Variants in MELK observed in about 807,000 individuals in gnomAD.
MELK encodes the protein pEg3 kinase.
MELK carries 81 observed loss-of-function variants against 85.0 expected under a neutral mutation model. That is an observed-to-expected ratio of 0.95 (90% CI 0.80 to 1.15). MELK has a LOEUF of 1.15. MELK is among the 50% of genes most tolerant of loss of function. MELK has a pLI of 0.00. For missense variants in MELK, 754 were observed against 777.5 expected (o/e 0.97, Z 0.36); for synonymous variants, 252 against 265.0 (o/e 0.95, Z 0.48).
intron 4 of MELK, among the ~76,000 whole-genome samples, chr9:36,591,174 T>G (rs1823511952): frequency 6.6e-6 from 1 of 152,002 alleles, no homozygotes; most frequent in African/African-American, 2.4e-5. Flanking sequence ...ATTACTACAC[T>G]GTAGATCTAC....
Position 36,649,829 on chromosome 9 carries a change from G to T in MELK, c.922-1917G>T, listed in dbSNP as rs544403797. On this transcript the variant is annotated intron_variant, in intron 11 of 17. Transcript: ENST00000298048. ...AGGCCGGGCACTATGGCTCACGCCT[G>T]TAATTCTAAAACTGAGAGGCCAAGA... 2.0e-5 allele frequency among the ~76,000 whole-genome samples: 3 copies of T among 152,274 alleles called. No individual in the cohort carries two copies. In the South Asian group the frequency reaches 6.2e-4, roughly 32 times the overall value.
At chr9:36,638,411 G>A (rs960211349) in intron 10 of MELK, among the ~76,000 whole-genome samples, 1 of 151,914 alleles carries the variant, frequency 6.6e-6, no homozygotes, top group African/African-American at 2.4e-5. Flanking sequence ...TTAGCCTTCC[G>A]AGTAGCTGGG....
intron 7 of MELK, among the ~76,000 whole-genome samples, chr9:36,605,669 G>A (rs1272335868): frequency 1.3e-5 from 2 of 151,770 alleles, no homozygotes; most frequent in African/African-American, 2.4e-5. Flanking sequence ...GTTCACTTGA[G>A]ACGTCATAGT....
At chr9:36,648,147 C>T (rs578205153) in intron 11 of MELK, among the ~76,000 whole-genome samples, 5 of 152,102 alleles carry the variant, frequency 3.3e-5, no homozygotes, top group Admixed American at 6.5e-5. Flanking sequence ...GCTAAGTTTA[C>T]GTCGAACACT....
chr9:36,650,451 C>G (rs2137203110), intron 11 of MELK, among the ~76,000 whole-genome samples: 1 of 152,144 alleles, frequency 6.6e-6, no homozygotes, highest in East Asian at 1.9e-4. Flanking sequence ...AAAGTTCATA[C>G]AAAAAGGCTG....
At chr9:36,644,574 CTTGGGAATTGCTG>C (rs1204148003) in intron 11 of MELK, among the ~76,000 whole-genome samples, 1 of 152,042 alleles carries the variant, frequency 6.6e-6, no homozygotes, top group African/African-American at 2.4e-5. Flanking sequence ...AATAGTAAGA[CTTGGGAATTGCTG>C]TAAGATTTGT....
At chr9:36,603,437 C>CTTT (rs35162618) in intron 7 of MELK, among the ~76,000 whole-genome samples, 2 of 145,778 alleles carry the variant, frequency 1.4e-5, no homozygotes, top group Non-Finnish European at 3.0e-5. Context: ...ATTATTTTAT[C>CTTT]TTTTTTTTTT....
intron 10 of MELK, among the ~76,000 whole-genome samples, chr9:36,634,062 C>A (rs974674249): frequency 6.6e-6 from 1 of 152,202 alleles, no homozygotes; most frequent in Non-Finnish European, 1.5e-5. Flanking sequence ...CCTCACATAA[C>A]ATGATGCATT....
rs564807660 is a variant in MELK, at chr9:36,645,854, C to A, written c.921+2771C>A. Among the ~76,000 whole-genome samples, 3 of 152,248 alleles carry A rather than the reference C, an allele frequency of 2.0e-5. No individual in the cohort carries two copies. In the East Asian group the frequency reaches 5.8e-4, roughly 29 times the overall value. On this transcript the variant is annotated intron_variant, in intron 11 of 17. Transcript: ENST00000298048. ...GACCAGCAGCAGCAGCATCCAGGTG[C>A]TTTTTAGCCGCGAAGACTCTCAGGC... is the stretch of plus-strand genomic sequence containing the variant.
intron 8 of MELK, among the ~76,000 whole-genome samples, chr9:36,609,209 T>G (rs1167664060): frequency 1.3e-5 from 2 of 152,068 alleles, no homozygotes; most frequent in Non-Finnish European, 2.9e-5. Context: ...AGGTGATGAT[T>G]ACACAACTTT....
intron 5 of MELK, among the ~76,000 whole-genome samples, chr9:36,596,176 T>C (rs1824212421): frequency 6.6e-6 from 1 of 152,202 alleles, no homozygotes; most frequent in African/African-American, 2.4e-5. Context: ...ACTCTTTTGG[T>C]TTAAATTTGC....
At chr9:36,621,298 A>AAAAAAAAAAAAC in intron 8 of MELK, among the ~76,000 whole-genome samples, 1 of 118,954 alleles carries the variant, frequency 8.4e-6, no homozygotes, top group Non-Finnish European at 1.6e-5. Context: ...AAAAAAAAAA[A>AAAAAAAAAAAAC]AAAAAAAAAA....
At chr9:36,640,433 CTTTTCTTTTCTGTTTCT>C (rs147892584) in intron 10 of MELK, among the ~76,000 whole-genome samples, 1,563 of 152,094 alleles carry the variant, frequency 0.01, 30 homozygotes, top group African/African-American at 0.034. Context: ...TCTTTTCTTT[CTTTTCTTTTCTGTTTCT>C]TTTTCTTTTT....
intron 8 of MELK, 52 bp downstream of exon 8, chr9:36,607,725 A>G (rs902319063): frequency 2.5e-6 from 3 of 1,182,802 alleles, no homozygotes; most frequent in African/African-American, 1.5e-5. Flanking sequence ...TATACCGAAT[A>G]GTATATGCTT....
rs78525396 is a variant in MELK at position 36,638,882 on chromosome 9, G to C, written c.835-4115G>C. On this transcript the variant is annotated intron_variant, in intron 10 of 17. Coordinates refer to ENST00000298048, the MANE Select transcript of MELK (RefSeq NM_014791.4). ...TAACTTGCCCATGGTCAAACAACGA[G>C]TAAGTGTAGAACCAGGATTTAAACG... Among the ~76,000 whole-genome samples, 1,349 of 152,316 alleles carry C rather than the reference G, an allele frequency of 8.9e-3. 10 individuals carry two copies. The highest frequency in any genetic ancestry group is 0.016 in the South Asian group (79 of 4,812).
chr9:36,616,846 A>G (rs1826882459), intron 8 of MELK, among the ~76,000 whole-genome samples: 1 of 134,380 alleles, frequency 7.4e-6, no homozygotes, highest in African/African-American at 2.8e-5. Context: ...TTTTTTTTAC[A>G]CAGATGGTAG....
At chr9:36,623,473 G>A (rs1827638541) in intron 8 of MELK, among the ~76,000 whole-genome samples, 1 of 152,204 alleles carries the variant, frequency 6.6e-6, no homozygotes, top group East Asian at 1.9e-4. Flanking sequence ...GAGAATGTCA[G>A]GACATGGTAA....
In MELK at chr9:36,597,428, G is replaced by A. The variant is rs138406546; in HGVS notation, c.474+138G>A. 5,030 of 751,048 alleles carry A rather than the reference G, an allele frequency of 6.7e-3. 50 individuals are homozygous for A. The highest frequency in any genetic ancestry group is 6.3e-3 in the Non-Finnish European group (2,924 of 464,988). 46.5% of individuals were successfully genotyped at this position (751,048 alleles called of 1,614,324 possible). On this transcript the variant is annotated intron_variant, in intron 6 of 17. Transcript: ENST00000298048. The stretch of plus-strand genomic sequence containing the variant: ...AGAAGAATGTTAAATTTCATCCCAG[G>A]TATGGGTAGTTTTTGTAAGTTCTCT...
At chr9:36,610,065 A>G (rs1268585353) in intron 8 of MELK, among the ~76,000 whole-genome samples, 1 of 152,186 alleles carries the variant, frequency 6.6e-6, no homozygotes, top group African/African-American at 2.4e-5. Flanking sequence ...GGGCAAGAGC[A>G]TTCCTGATAG....
Sources: gnomAD v4.1 joint callset for allele counts (sites outside exome capture counted in the v4.1 genomes callset) on GRCh38, gnomAD v4.1.1 for gene constraint, MANE v1.5 for transcripts, NCBI Gene and HGNC (gene_info 2026-07-23, HGNC 2026-07-21) for gene names.